The following CPA6 variants were observed in gnomAD, a reference collection of about 807,000 sequenced individuals.
The protein encoded by CPA6 is carboxypeptidase A6, also known as carboxypeptidase B.
In CPA6, 58 loss-of-function variants were observed where a neutral mutation model predicts 63.3. The ratio of observed to expected loss-of-function variants is 0.92; its 90% CI spans 0.74 to 1.14. The LOEUF is 1.14. Among genes scored for constraint, CPA6 ranks in the 50% most tolerant of loss-of-function variants. The pLI, the probability that CPA6 is intolerant of heterozygous loss-of-function variation, is 0.00. For missense variants in CPA6, 565 were observed against 526.6 expected, an observed-to-expected ratio of 1.07 and a Z score of -0.71; for synonymous variants, 185 against 179.0, an observed-to-expected ratio of 1.03 and a Z score of -0.27.
At chr8:67,684,001 GTATATATATATA>G (rs3056573) in intron 1 of CPA6, among the ~76,000 whole-genome samples, 30 of 116,982 alleles carry the variant, frequency 2.6e-4, no homozygotes, top group South Asian at 1.2e-3. Context: ...ATTTTAAAAT[GTATATATATATA>G]TATATATATA....
At chr8:67,442,622 C>T (rs572822599) in intron 8 of CPA6, among the ~76,000 whole-genome samples, 5 of 152,234 alleles carry the variant, frequency 3.3e-5, no homozygotes, top group South Asian at 4.2e-4. Flanking sequence ...TTGGTGGATG[C>T]GCCTAGAGTG....
chr8:67,527,401 C>T (rs1400923835), intron 2 of CPA6, among the ~76,000 whole-genome samples: 1 of 152,158 alleles, frequency 6.6e-6, no homozygotes, highest in Non-Finnish European at 1.5e-5. Flanking sequence ...TAAAGCTCAT[C>T]TTTGGTTTAG....
intron 6 of CPA6, among the ~76,000 whole-genome samples, chr8:67,487,531 T>C (rs1211663239): frequency 6.6e-6 from 1 of 152,226 alleles, no homozygotes; most frequent in African/African-American, 2.4e-5. Context: ...CATGTGTCTT[T>C]ATAGTAGCAT....
chr8:67,509,678 A>AACAAAAGG lies in CPA6; in HGVS notation c.433-68_433-61dup. On this transcript the variant is annotated intron_variant, in intron 4 of 10. Transcript: ENST00000297770. ...TCTCAAAATAATGGAGCTTTTAGAG[A>AACAAAAGG]ACAAAAGGAAACAAAAAGACAACAG... The AACAAAAGG allele has an allele frequency of 3.8e-6, 3 of 784,924 alleles. No homozygotes were observed. The East Asian group carries it at 8.0e-5, about 21-fold the overall frequency. The allele number at this position is 784,924 out of a possible 1,614,324, so 48.6% of individuals were successfully genotyped here.
chr8:67,441,694 C>T (rs1810297669), intron 8 of CPA6, among the ~76,000 whole-genome samples: 1 of 151,920 alleles, frequency 6.6e-6, no homozygotes, highest in Non-Finnish European at 1.5e-5. Flanking sequence ...TGTTGAGAAA[C>T]TAGTACATAA....
At chr8:67,657,568 G>C (rs1009268391) in intron 1 of CPA6, among the ~76,000 whole-genome samples, 8 of 152,196 alleles carry the variant, frequency 5.3e-5, no homozygotes, top group Non-Finnish European at 4.4e-5. Flanking sequence ...ACCTGATGTG[G>C]TGTGTTCACT....
Position 67,511,904 on chromosome 8 carries a change from T to C in CPA6, c.318-249A>G, listed in dbSNP as rs1812050428. 2.6e-5 allele frequency among the ~76,000 whole-genome samples: 4 copies of C among 152,354 alleles called. 1 individual carries two copies. The South Asian group carries it at 8.3e-4, about 32-fold the overall frequency. ...TGATAGTAGTAGTAACAATAGCTAC[T>C]GCTGATTTGCAGCTGCAACAACCGA... On this transcript the variant is annotated intron_variant, in intron 3 of 10. Coordinates refer to ENST00000297770, the MANE Select transcript of CPA6 (RefSeq NM_020361.5).
intron 2 of CPA6, among the ~76,000 whole-genome samples, chr8:67,562,690 G>T (rs912214657): frequency 6.6e-6 from 1 of 152,118 alleles, no homozygotes; most frequent in Non-Finnish European, 1.5e-5. Context: ...TGTAAAAGAG[G>T]CCCCAATGAG....
chr8:67,469,847 C>G (rs933903127), intron 8 of CPA6, among the ~76,000 whole-genome samples: 8 of 152,094 alleles, frequency 5.3e-5, no homozygotes, highest in East Asian at 3.9e-4. Flanking sequence ...TCTCCACTCC[C>G]TCTTTCTCTC....
chr8:67,646,412 T>A (rs1360187520), intron 1 of CPA6, among the ~76,000 whole-genome samples: 1 of 152,206 alleles, frequency 6.6e-6, no homozygotes, highest in Non-Finnish European at 1.5e-5. Flanking sequence ...TCACTTTTGG[T>A]TTTGCCTATT....
intron 1 of CPA6, among the ~76,000 whole-genome samples, chr8:67,654,790 C>G (rs1016749549): frequency 1.3e-5 from 2 of 152,142 alleles, no homozygotes; most frequent in Non-Finnish European, 2.9e-5. Context: ...TGAAATCATT[C>G]TAACATACGT....
At chr8:67,555,837 T>A (rs1813047738) in intron 2 of CPA6, among the ~76,000 whole-genome samples, 1 of 152,186 alleles carries the variant, frequency 6.6e-6, no homozygotes, top group Non-Finnish European at 1.5e-5. Context: ...TCACACATAT[T>A]TGGTGTCAGG....
chr8:67,526,862 T>C (rs1386411475), intron 2 of CPA6, among the ~76,000 whole-genome samples: 1 of 152,162 alleles, frequency 6.6e-6, no homozygotes, highest in Non-Finnish European at 1.5e-5. Flanking sequence ...TTAGATGACT[T>C]ATAAGTACTA....
chr8:67,640,507 G>A (rs768155551), intron 1 of CPA6, among the ~76,000 whole-genome samples: 2 of 151,426 alleles, frequency 1.3e-5, no homozygotes, highest in Non-Finnish European at 2.9e-5. Context: ...ACAGTGGCGA[G>A]AAGTCAGACA....
intron 2 of CPA6, among the ~76,000 whole-genome samples, chr8:67,550,882 GTTAT>G (rs1281601780): frequency 7.2e-5 from 11 of 152,118 alleles, no homozygotes; most frequent in African/African-American, 2.4e-4. Context: ...TTTTAATGGG[GTTAT>G]TTGTTTTCTG....
At chr8:67,567,007 C>A (rs907009299) in intron 2 of CPA6, among the ~76,000 whole-genome samples, 2 of 152,186 alleles carry the variant, frequency 1.3e-5, no homozygotes, top group Non-Finnish European at 2.9e-5. Flanking sequence ...GAACACCCTG[C>A]ACTAGCAATC....
At chr8:67,644,947 C>T (rs1815683364) in intron 1 of CPA6, among the ~76,000 whole-genome samples, 1 of 152,166 alleles carries the variant, frequency 6.6e-6, no homozygotes, top group Admixed American at 6.5e-5. Flanking sequence ...CAGAATGCAC[C>T]TATAGGTGAG....
rs868852063 is a variant in CPA6, at chr8:67,682,838, C to G, written c.117-58587G>C. On this transcript the variant is annotated intron_variant, in intron 1 of 10. Transcript: ENST00000297770. ...CTGGCCTTTGAGAACATAAACTACT[C>G]CTTCCCTACATGGGATATTCCCTAG... 4.6e-5 allele frequency among the ~76,000 whole-genome samples: 7 copies of G among 152,352 alleles called. No homozygotes were observed. The South Asian group carries it at 1.5e-3, about 32-fold the overall frequency.
At chr8:67,648,496 G>A (rs911455300) in intron 1 of CPA6, among the ~76,000 whole-genome samples, 5 of 152,086 alleles carry the variant, frequency 3.3e-5, no homozygotes, top group African/African-American at 9.7e-5. Context: ...CATAAGTCAC[G>A]TCTGGAACCC....
Sources: allele counts gnomAD v4.1 joint callset (sites outside exome capture counted in the v4.1 genomes callset), GRCh38; gene constraint gnomAD v4.1.1; transcripts MANE v1.5; gene names NCBI Gene and HGNC (gene_info 2026-07-23, HGNC 2026-07-21).